CRTC2: variants seen among roughly 807,000 people sequenced by gnomAD.
CRTC2 encodes CREB-regulated transcription coactivator 2.
CRTC2 carries 25 observed loss-of-function variants against 70.9 expected under a neutral mutation model. The ratio of observed to expected loss-of-function variants is 0.35; its 90% confidence interval spans 0.26 to 0.49. CRTC2 has a LOEUF of 0.49. Among genes scored for constraint, CRTC2 ranks in the 20% least tolerant of loss-of-function variants. CRTC2 has a pLI of 0.98. For missense variants in CRTC2, 737 were observed against 882.6 expected, an observed-to-expected ratio of 0.83 and a Z score of 2.09; for synonymous variants, 330 against 364.1, an observed-to-expected ratio of 0.91 and a Z score of 1.07.
rs1234778084 is a variant in CRTC2 at position 153,949,059 on chromosome 1, C to T, written c.1674+56G>A. 5 of 1,583,428 alleles carry T rather than the reference C, an allele frequency of 3.2e-6. No homozygotes were observed. In the Admixed American group the frequency reaches 6.7e-5, roughly 21 times the overall value. On this transcript the variant is annotated intron_variant, in intron 12 of 13. Coordinates refer to ENST00000368633, the MANE Select transcript of CRTC2 (RefSeq NM_181715.3). ...TGCACCAGCCATGCCATTCAGGCCC[C>T]ATTGACCCACCCTCACCCACTCCCC...
rs200539506 is a variant in CRTC2, at chr1:153,949,393, A to G, written c.1405-9T>C. The G allele has an allele frequency of 6.3e-7, 1 of 1,597,770 alleles. No homozygotes were observed. Among genetic ancestry groups the G allele is most frequent in the South Asian group, 1.1e-5 (1 of 89,108 alleles). ...GTATCCAGGGGGACGCCCTGAAAAG[A>G]AGTAAAAAGAGGGAAGCTTACTGCT... On this transcript the variant is annotated splice_polypyrimidine_tract_variant and intron_variant, in intron 11 of 13. Transcript: ENST00000368633.
At position 153,948,492 on chromosome 1, in the gene CRTC2, G is replaced by A; in HGVS notation, c.1827C>T (p.Ser609=). ...TGATGTTAGGCCCTGAGCCATGGCG[G>A]GAACAGTGGGTCAAGTTCTGGTGGT... ...TFNHQNLTHC[S]RHGSGPNIIL... is the part of the protein sequence containing the mutation. Residue 609 remains serine, a synonymous_variant, in exon 13 of 14, where the codon TCC becomes TCT. Transcript: ENST00000368633. 6.2e-7 allele frequency: 1 copy of A among 1,609,882 alleles called. No homozygotes were observed.
In CRTC2 at chr1:153,952,574, C is replaced by G; in HGVS notation, c.699G>C (p.Lys233Asn). ...ACACCCGGTGGCCTCCTCCTACCTT[C>G]TTAGCATCCCATGGCTTCAGCAAAT... ...DKHLLKPWDA[K>N]KLSSSSSRPR... Residue 233 changes from lysine to asparagine, a missense_variant, in exon 8 of 14, where the codon AAG (lysine) becomes AAC (asparagine). This residue lies in a region of CRTC2 where 699 missense variants were observed against 823.7 expected (regional missense o/e 0.85). Coordinates refer to ENST00000368633, the MANE Select transcript of CRTC2 (RefSeq NM_181715.3). 6.2e-7 allele frequency: 1 copy of G among 1,614,204 alleles called. No homozygotes were observed. Among genetic ancestry groups the G allele is most frequent in the Non-Finnish European group, 8.5e-7 (1 of 1,180,012 alleles).
intron 11 of CRTC2, among the ~76,000 whole-genome samples, chr1:153,950,369 C>T (rs1407116873): frequency 6.6e-6 from 1 of 152,190 alleles, no homozygotes; most frequent in African/African-American, 2.4e-5. Context: ...GGAAGTCAAG[C>T]TCACTCCACA....
intron 5 of CRTC2, 84 bp downstream of exon 5, chr1:153,953,454 G>A (rs1255505652): frequency 8.5e-6 from 13 of 1,520,496 alleles, no homozygotes. Flanking sequence ...ACACTAGCTG[G>A]TCTGGAACAG....
At chr1:153,952,537 G>A (rs1571077239) in intron 8 of CRTC2, 34 bp downstream of exon 8, 1 of 1,612,666 alleles carries the variant, frequency 6.2e-7, no homozygotes. Flanking sequence ...ATAGCAGAGA[G>A]ACTAGTGGGT....
chr1:153,957,678 GGT>G (rs1449919297), intron 1 of CRTC2, among the ~76,000 whole-genome samples: 1 of 152,178 alleles, frequency 6.6e-6, no homozygotes, highest in Admixed American at 6.5e-5. Flanking sequence ...CACAACTTAT[GGT>G]CGGACGGTTA....
At chr1:153,949,092 G>T in intron 12 of CRTC2, 23 bp downstream of exon 12, 1 of 1,597,274 alleles carries the variant, frequency 6.3e-7, no homozygotes, top group South Asian at 1.1e-5. Flanking sequence ...CCCTGCTTTT[G>T]AGCAAGGAGC....
intron 11 of CRTC2, among the ~76,000 whole-genome samples, chr1:153,950,181 G>C (rs1050040366): frequency 6.6e-6 from 1 of 152,230 alleles, no homozygotes; most frequent in African/African-American, 2.4e-5. Context: ...CCAAAGTGCT[G>C]GGATTACAGG....
chr1:153,958,487 G>A lies in CRTC2; in HGVS notation c.11C>T (p.Ser4Leu), dbSNP rs1313427806. Residue 4 changes from serine to leucine, a missense_variant, in exon 1 of 14, where the codon TCG becomes TTG. Transcript: ENST00000368633. MAT[S>L]GANGPGSATA... ...GGCCGAACCAGGCCCGTTCGCCCCC[G>A]ACGTCGCCATCTTCCTTCCCCGTCC... 1.2e-6 allele frequency: 2 copies of A among 1,609,468 alleles called. No individual in the cohort carries two copies. Among genetic ancestry groups the A allele is most frequent in the Non-Finnish European group, 8.5e-7 (1 of 1,177,152 alleles).
intron 1 of CRTC2, chr1:153,958,079 T>G: frequency 7.4e-7 from 1 of 1,356,430 alleles, no homozygotes; most frequent in Non-Finnish European, 9.5e-7. Context: ...TCCGCCGGAC[T>G]TCATCTCCCC....
Position 153,952,103 on chromosome 1 carries a change from G to T in CRTC2, c.912C>A (p.Gly304=). The T allele has an allele frequency of 6.2e-7, 1 of 1,614,108 alleles. No individual in the cohort carries two copies. Residue 304 remains glycine, a synonymous_variant, in exon 10 of 14, where the codon GGC becomes GGA. Transcript: ENST00000368633. ...EETAYPSLSG[G]NSTSNLTHTM... ...TGTGGGTCAAATTGGAGGTACTGTT[G>T]CCCCCACTCAGGCTAGGGTAGGCTG...
chr1:153,955,906 C>T (rs1025206424), intron 1 of CRTC2, among the ~76,000 whole-genome samples: 4 of 152,152 alleles, frequency 2.6e-5, no homozygotes, highest in Non-Finnish European at 5.9e-5. Flanking sequence ...TAAGCAGAGT[C>T]CCTGAGGGGC....
intron 11 of CRTC2, among the ~76,000 whole-genome samples, chr1:153,950,406 T>C (rs914005817): frequency 6.6e-6 from 1 of 152,192 alleles, no homozygotes; most frequent in Non-Finnish European, 1.5e-5. Context: ...CTTGCTAATC[T>C]GGCCTCAGTC....
intron 3 of CRTC2, 99 bp from the exon 4 acceptor site, chr1:153,954,415 C>T (rs1680514774): frequency 2.5e-6 from 2 of 813,792 alleles, no homozygotes; most frequent in Non-Finnish European, 4.2e-6. Flanking sequence ...TTTCAAGAAA[C>T]TCATACCTTT....
At chr1:153,951,934 G>T in intron 10 of CRTC2, 84 bp downstream of exon 10, 1 of 1,524,268 alleles carries the variant, frequency 6.6e-7, no homozygotes, top group Non-Finnish European at 8.9e-7. Context: ...ATCACAGCAG[G>T]ATCTCAGGTG....
chr1:153,949,587 C>A (rs1296713842), intron 11 of CRTC2, among the ~76,000 whole-genome samples: 2 of 152,098 alleles, frequency 1.3e-5, no homozygotes, highest in African/African-American at 4.8e-5. Context: ...GTGGCTCATG[C>A]CTGTAATCCC....
intron 1 of CRTC2, among the ~76,000 whole-genome samples, chr1:153,956,428 T>C (rs978910653): frequency 3.3e-5 from 5 of 152,140 alleles, no homozygotes; most frequent in Non-Finnish European, 7.3e-5. Context: ...TTTCCAAGGC[T>C]CAGCCCCTGC....
At position 153,947,983 on chromosome 1, in the gene CRTC2, A is replaced by G. The variant is rs1680101997; in HGVS notation, c.*126T>C. 6 of 973,906 alleles carry G rather than the reference A, an allele frequency of 6.2e-6. No homozygotes were observed. The highest frequency in any genetic ancestry group is 9.4e-6 in the Non-Finnish European group (6 of 637,282). The allele number at this position is 973,906 out of a possible 1,614,324, so 60.3% of individuals were successfully genotyped here. ...CCCCTTGCTTTTTCTCATTCTTGGC[A>G]TCCTTCATTCATGCTAGAAAGAGGA... On this transcript the variant is annotated 3_prime_UTR_variant, in exon 14 of 14. Transcript: ENST00000368633.
Sources: allele counts gnomAD v4.1 joint callset (sites outside exome capture counted in the v4.1 genomes callset), GRCh38; gene constraint gnomAD v4.1.1; regional missense constraint gnomAD v4.1.1; transcripts MANE v1.5; gene names NCBI Gene and HGNC (gene_info 2026-07-23, HGNC 2026-07-21).